The following GABPB1 variants were observed in gnomAD, a reference collection of about 807,000 sequenced individuals.
The protein encoded by GABPB1 is GA-binding protein subunit beta-1.
Under a neutral mutation model 45.9 loss-of-function variants are expected in GABPB1, and 15 were observed. The ratio of observed to expected loss-of-function variants is 0.33; its 90% confidence interval spans 0.22 to 0.50. GABPB1 has a LOEUF of 0.50. Ranked by LOEUF, GABPB1 falls within the 20% of genes least tolerant of loss-of-function variation. The pLI is 0.98. For missense variants in GABPB1, 252 were observed against 457.5 expected (o/e 0.55, Z 4.10); for synonymous variants, 143 against 154.4 (o/e 0.93, Z 0.55).
intron 1 of GABPB1, chr15:50,349,090 A>G (rs2141184896): frequency 6.6e-6 from 1 of 152,296 alleles, no homozygotes; most frequent in Middle Eastern, 3.4e-3. Flanking sequence ...AAAACTTCTG[A>G]AACCCAAAAT....
At chr15:50,300,151 A>G (rs1018112600) in intron 6 of GABPB1, among the ~76,000 whole-genome samples, 2 of 152,164 alleles carry the variant, frequency 1.3e-5, no homozygotes, top group Admixed American at 6.6e-5. Flanking sequence ...GTAAATCAAG[A>G]GCCAAATTAG....
chr15:50,331,046 T>A (rs1181511845), intron 1 of GABPB1, among the ~76,000 whole-genome samples: 2 of 152,168 alleles, frequency 1.3e-5, no homozygotes, highest in African/African-American at 4.8e-5. Flanking sequence ...AAAGCAAACC[T>A]AGGGAGGATC....
chr15:50,353,165 A>G (rs573867837), intron 1 of GABPB1: 9 of 152,340 alleles, frequency 5.9e-5, no homozygotes, highest in African/African-American at 2.2e-4. Flanking sequence ...TCACTTAAGA[A>G]TATCTTCGAA....
intron 1 of GABPB1, among the ~76,000 whole-genome samples, chr15:50,313,394 AAT>A (rs1490780746): frequency 6.6e-6 from 1 of 152,182 alleles, no homozygotes; most frequent in African/African-American, 2.4e-5. Flanking sequence ...TGCTGATAGT[AAT>A]ATAAGTGGAT....
intron 1 of GABPB1, among the ~76,000 whole-genome samples, chr15:50,314,903 C>T (rs2141068149): frequency 6.6e-6 from 1 of 152,356 alleles, no homozygotes; most frequent in East Asian, 1.9e-4. Flanking sequence ...GCATCTGCAT[C>T]ACCAATATCA....
rs1043774928 is a variant in GABPB1, at chr15:50,351,644, GAGA to G, written c.-1+3338_-1+3340del. 6 of 128,086 alleles carry G rather than the reference GAGA, an allele frequency of 4.7e-5. No homozygotes were observed. The East Asian group carries it at 1.1e-3, about 23-fold the overall frequency. The allele number at this position is 128,086 out of a possible 1,614,324, so 7.9% of individuals were successfully genotyped here. A position where few individuals can be genotyped will look rare whatever the true frequency, so the allele number is the denominator to read the frequency against. On this transcript the variant is annotated intron_variant, in intron 1 of 8. Transcript: ENST00000380877. ...GGAGAGAGAGGGAGAGGGACAGAGGGAGAAGGAGAGAGGAAAGAGGGAGGGAGG... is the reference window on the plus strand; with the variant it reads ...GGAGAGAGAGGGAGAGGGACAGAGGGAGGAGAGAGGAAAGAGGGAGGGAGG...
chr15:50,317,957 T>A (rs538957580), intron 1 of GABPB1, among the ~76,000 whole-genome samples: 16 of 151,912 alleles, frequency 1.1e-4, no homozygotes, highest in African/African-American at 3.6e-4. Flanking sequence ...ATAGTAAAAG[T>A]ATGTAAAATA....
At chr15:50,318,511 G>A (rs180980552) in intron 1 of GABPB1, among the ~76,000 whole-genome samples, 4 of 151,078 alleles carry the variant, frequency 2.6e-5, no homozygotes, top group South Asian at 2.1e-4. Context: ...ACTAGATGAC[G>A]TGTTCCACCA....
chr15:50,304,536 C>A (rs1324658090), intron 2 of GABPB1, among the ~76,000 whole-genome samples: 2 of 152,118 alleles, frequency 1.3e-5, no homozygotes, highest in East Asian at 1.9e-4. Flanking sequence ...CATGGTGAAA[C>A]CCCATCTCTA....
intron 8 of GABPB1, among the ~76,000 whole-genome samples, chr15:50,279,684 T>C (rs1161333793): frequency 1.3e-5 from 2 of 152,100 alleles, no homozygotes; most frequent in Admixed American, 1.3e-4. Flanking sequence ...AAGCTCAACC[T>C]CCACAGACCA....
intron 8 of GABPB1, 73 bp from the exon 9 acceptor site, chr15:50,278,857 T>G: frequency 8.5e-7 from 1 of 1,169,944 alleles, no homozygotes; most frequent in Non-Finnish European, 1.2e-6. Flanking sequence ...GCATGCATCC[T>G]TCAAATTAAA....
At chr15:50,301,233 A>C in intron 5 of GABPB1, 24 bp downstream of exon 5, 1 of 1,613,746 alleles carries the variant, frequency 6.2e-7, no homozygotes, top group Non-Finnish European at 8.5e-7. Flanking sequence ...GTTGCCTTGG[A>C]TGAATTTTCT....
At chr15:50,351,660 A>AGAGGGAGGGAGG (rs59107787) in intron 1 of GABPB1, 90 of 115,666 alleles carry the variant, frequency 7.8e-4, no homozygotes, top group African/African-American at 2.7e-3. Context: ...GAGAGAGGAA[A>AGAGGGAGGGAGG]GAGGGAGGGA....
In GABPB1 at chr15:50,275,540, A is replaced by C. The variant is rs1473151468; in HGVS notation, c.*3092T>G. On this transcript the variant is annotated 3_prime_UTR_variant, in exon 9 of 9. Coordinates refer to ENST00000380877, the MANE Select transcript of GABPB1 (RefSeq NM_016654.5). ...AAACCCATTGTAAAGTCAAACAATC[A>C]TAAATCAAAGCATCATAAATTGGGG... 6.6e-6 allele frequency: 1 copy of C among 152,248 alleles called. No homozygotes were observed. Among genetic ancestry groups the C allele is most frequent in the Non-Finnish European group, 1.5e-5 (1 of 68,046 alleles). The allele number at this position is 152,248 out of a possible 1,614,324, so 9.4% of individuals were successfully genotyped here. A position where few individuals can be genotyped will look rare whatever the true frequency, so the allele number is the denominator to read the frequency against.
chr15:50,332,750 G>A (rs1411807349), intron 1 of GABPB1, among the ~76,000 whole-genome samples: 2 of 151,776 alleles, frequency 1.3e-5, no homozygotes, highest in African/African-American at 4.8e-5. Context: ...TTCCATAAGA[G>A]GTTTTTTTTA....
In GABPB1 at chr15:50,322,802, G is replaced by A. The variant is rs189847611; in HGVS notation, c.1-13004C>T. On this transcript the variant is annotated intron_variant, in intron 1 of 8. Transcript: ENST00000380877. Reference sequence around the variant, plus strand: ...AACACTTTGGGAGGCTGAGGCGGGTGGATTGCTTGAGACCAGGAGTTCAAG... The same window carrying A: ...AACACTTTGGGAGGCTGAGGCGGGTAGATTGCTTGAGACCAGGAGTTCAAG... 5.4e-3 allele frequency among the ~76,000 whole-genome samples: 827 copies of A among 152,158 alleles called. 8 individuals carry two copies. The highest frequency in any genetic ancestry group is 0.019 in the African/African-American group (784 of 41,508).
intron 1 of GABPB1, chr15:50,354,520 A>G: frequency 2.2e-6 from 1 of 449,278 alleles, no homozygotes; most frequent in Non-Finnish European, 4.5e-6. Flanking sequence ...TGCCGAGACA[A>G]AGGGTACCGC....
At chr15:50,309,598 C>T in intron 2 of GABPB1, 93 bp downstream of exon 2, 1 of 679,206 alleles carries the variant, frequency 1.5e-6, no homozygotes, top group Non-Finnish European at 2.6e-6. Context: ...TAACTTTTTA[C>T]CACTTATAAA....
chr15:50,343,669 G>A (rs2048463715), intron 1 of GABPB1, among the ~76,000 whole-genome samples: 1 of 152,092 alleles, frequency 6.6e-6, no homozygotes, highest in Non-Finnish European at 1.5e-5. Context: ...CTCCCGAGTG[G>A]CTGGGACTAC....
Sources: allele counts gnomAD v4.1 joint callset (sites outside exome capture counted in the v4.1 genomes callset), GRCh38; gene constraint gnomAD v4.1.1; transcripts MANE v1.5; gene names NCBI Gene and HGNC (gene_info 2026-07-23, HGNC 2026-07-21).